The following LDLRAD4 variants were observed in gnomAD, a reference collection of about 807,000 sequenced individuals.
LDLRAD4 encodes low density lipoprotein receptor class A domain containing 4, also known as low-density lipoprotein receptor class A domain-containing protein 4.
In LDLRAD4, 5 loss-of-function variants were observed where a neutral mutation model predicts 17.0. The ratio of observed to expected loss-of-function variants is 0.29; its 90% CI spans 0.15 to 0.62. The LOEUF is 0.62. Ranked by LOEUF, LDLRAD4 falls within the 20% of genes least tolerant of loss-of-function variation. The pLI, the probability that LDLRAD4 is intolerant of heterozygous loss-of-function variation, is 0.84. For missense variants in LDLRAD4, 340 were observed against 424.7 expected, an observed-to-expected ratio of 0.80 and a Z score of 1.75; for synonymous variants, 168 against 171.8, an observed-to-expected ratio of 0.98 and a Z score of 0.17.
intron 3 of LDLRAD4, among the ~76,000 whole-genome samples, chr18:13,546,810 T>G (rs1047753024): frequency 1.3e-5 from 2 of 152,132 alleles, no homozygotes; most frequent in African/African-American, 4.8e-5. Flanking sequence ...CTGACATCAG[T>G]GAGGGGCTTG....
chr18:13,541,765 A>G (rs941967375), intron 3 of LDLRAD4, among the ~76,000 whole-genome samples: 1 of 152,202 alleles, frequency 6.6e-6, no homozygotes, highest in African/African-American at 2.4e-5. Flanking sequence ...AATATATGAA[A>G]AAGACCGCCA....
intron 1 of LDLRAD4, among the ~76,000 whole-genome samples, chr18:13,258,844 C>T (rs192297066): frequency 4.7e-4 from 72 of 152,292 alleles, no homozygotes; most frequent in South Asian, 1.0e-3. Context: ...AAGGATTACA[C>T]CAGAAAAACT....
intron 1 of LDLRAD4, among the ~76,000 whole-genome samples, chr18:13,250,174 A>G (rs987980430): frequency 3.3e-5 from 5 of 152,118 alleles, no homozygotes; most frequent in Non-Finnish European, 5.9e-5. Flanking sequence ...CCATTGATCT[A>G]TGTGTCTGTT....
At chr18:13,287,843 AC>A (rs779292726) in intron 1 of LDLRAD4, among the ~76,000 whole-genome samples, 1 of 152,268 alleles carries the variant, frequency 6.6e-6, no homozygotes, top group African/African-American at 2.4e-5. Context: ...ACTAGAAAAT[AC>A]TGACATTGGT....
intron 3 of LDLRAD4, among the ~76,000 whole-genome samples, chr18:13,570,601 A>T (rs2094676296): frequency 6.6e-6 from 1 of 152,156 alleles, no homozygotes; most frequent in African/African-American, 2.4e-5. Context: ...GCTGCATGGA[A>T]AGGGCATGCT....
chr18:13,375,065 A>G (rs1306099672), intron 1 of LDLRAD4, among the ~76,000 whole-genome samples: 2 of 152,154 alleles, frequency 1.3e-5, no homozygotes, highest in Non-Finnish European at 2.9e-5. Context: ...GTCTGTTTCC[A>G]TGGGAACTAG....
In LDLRAD4 at chr18:13,650,246, T is replaced by TTGCTGC. The variant is rs3842394; in HGVS notation, c.*4609_*4614dup. 3,097 of 402,254 alleles carry TTGCTGC rather than the reference T, an allele frequency of 7.7e-3. 58 individuals are homozygous for TTGCTGC. The highest frequency in any genetic ancestry group is 0.032 in the East Asian group (893 of 28,210). The allele number at this position is 402,254 out of a possible 1,614,324, so 24.9% of individuals were successfully genotyped here. ...GTTACTGCCAGGGTCAGACAGTCAT[T>TTGCTGC]TGCTGCTGCTGCTGCTGCTGCTGCT... On this transcript the variant is annotated 3_prime_UTR_variant, in exon 6 of 6. Transcript: ENST00000359446.
rs527610558 is a variant in LDLRAD4 at position 13,257,167 on chromosome 18, C to T, written c.-466-20938C>T. Among the ~76,000 whole-genome samples, 6 of 152,298 alleles carry T rather than the reference C, an allele frequency of 3.9e-5. No individual in the cohort carries two copies. The South Asian group carries it at 1.2e-3, about 32-fold the overall frequency. On this transcript the variant is annotated intron_variant, in intron 1 of 5. Transcript: ENST00000399848. ...GGACAGACGTGCACAGCCTCGCGGC[C>T]CTGGCTCAGAAAGGCCTGAACCCAT...
chr18:13,507,504 A>G (rs1265158920), intron 3 of LDLRAD4, among the ~76,000 whole-genome samples: 2 of 152,222 alleles, frequency 1.3e-5, no homozygotes, highest in East Asian at 1.9e-4. Flanking sequence ...ATTCCTTTGT[A>G]TGATTGAGTA....
chr18:13,612,552 C>CG lies in LDLRAD4; in HGVS notation c.182-8565_182-8564insG. ...CGAGGCAGACAGAAACACACCCCCC[C>CG]CCCCTCCACGCTCACACACTCTCCC... is the stretch of plus-strand genomic sequence containing the variant. On this transcript the variant is annotated intron_variant, in intron 3 of 5. Coordinates refer to ENST00000359446, the Ensembl canonical transcript of LDLRAD4. The CG allele has an allele frequency of 6.2e-6, 9 of 1,449,862 alleles. No individual in the cohort carries two copies. The South Asian group carries it at 1.0e-4, about 16-fold the overall frequency. 89.8% of individuals were successfully genotyped at this position (1,449,862 alleles called of 1,614,324 possible).
intron 2 of LDLRAD4, among the ~76,000 whole-genome samples, chr18:13,413,732 G>A (rs1280393241): frequency 6.6e-6 from 1 of 152,174 alleles, no homozygotes; most frequent in East Asian, 1.9e-4. Flanking sequence ...GCATTCTTTA[G>A]TAAGTTTTTC....
chr18:13,408,804 TTTC>T (rs1349324073), intron 2 of LDLRAD4, among the ~76,000 whole-genome samples: 6 of 152,258 alleles, frequency 3.9e-5, no homozygotes, highest in African/African-American at 1.4e-4. Context: ...TAGGATGCCT[TTTC>T]TTCTTCTCTC....
At chr18:13,377,427 C>G (rs2085002535) in intron 1 of LDLRAD4, among the ~76,000 whole-genome samples, 1 of 152,150 alleles carries the variant, frequency 6.6e-6, no homozygotes, top group Non-Finnish European at 1.5e-5. Flanking sequence ...CTTTTTTTAG[C>G]TCTTAGATGA....
intron 3 of LDLRAD4, among the ~76,000 whole-genome samples, chr18:13,605,558 T>C (rs1043995776): frequency 1.3e-5 from 2 of 152,168 alleles, no homozygotes; most frequent in African/African-American, 4.8e-5. Flanking sequence ...TTTGCCATTC[T>C]TGGGGACCTT....
intron 3 of LDLRAD4, among the ~76,000 whole-genome samples, chr18:13,566,031 C>T (rs1195483113): frequency 2.0e-5 from 3 of 152,178 alleles, no homozygotes; most frequent in East Asian, 1.9e-4. Flanking sequence ...CTCTGGGACC[C>T]GCATCATCTC....
intron 2 of LDLRAD4, chr18:13,420,986 G>A (rs1221609324): frequency 6.6e-6 from 1 of 152,260 alleles, no homozygotes; most frequent in African/African-American, 2.4e-5. Flanking sequence ...GGATGGGGAA[G>A]CCTCTAAGTC....
Position 13,440,754 on chromosome 18 carries a change from T to C in LDLRAD4, c.181+2370T>C, listed in dbSNP as rs2090971690. 6.6e-6 allele frequency among the ~76,000 whole-genome samples: 1 copy of C among 152,192 alleles called. No individual in the cohort carries two copies. The highest frequency in any genetic ancestry group is 2.1e-4 in the South Asian group (1 of 4,828). On this transcript the variant is annotated intron_variant, in intron 3 of 5. Coordinates refer to ENST00000359446, the Ensembl canonical transcript of LDLRAD4. This position sits in a 1 kb window ranked among gnomAD's most constrained non-coding sequence, Gnocchi z 4.4. Reference sequence around the variant, plus strand: ...CACAGTCTATGTCATCGTGTTGCAGTTGCCATCTCCACTCCCCACGTGGCC... The same window carrying C: ...CACAGTCTATGTCATCGTGTTGCAGCTGCCATCTCCACTCCCCACGTGGCC...
intron 1 of LDLRAD4, among the ~76,000 whole-genome samples, chr18:13,364,259 A>G (rs1236968605): frequency 6.6e-6 from 1 of 152,014 alleles, no homozygotes; most frequent in African/African-American, 2.4e-5. Flanking sequence ...ACTTATCTGT[A>G]TTTTCCATTT....
intron 3 of LDLRAD4, among the ~76,000 whole-genome samples, chr18:13,511,359 A>G (rs2093775216): frequency 6.6e-6 from 1 of 152,102 alleles, no homozygotes; most frequent in Non-Finnish European, 1.5e-5. Context: ...TAAAAATACA[A>G]AAATTAGCCG....
Sources: allele counts gnomAD v4.1 joint callset (sites outside exome capture counted in the v4.1 genomes callset), GRCh38; gene constraint gnomAD v4.1.1; non-coding constraint Gnocchi (gnomAD v3.1); transcripts MANE v1.5; gene names NCBI Gene and HGNC (gene_info 2026-07-23, HGNC 2026-07-21).